EBF1: variants seen among roughly 807,000 people sequenced by gnomAD.
The protein encoded by EBF1 is transcription factor COE1.
Under a neutral mutation model 68.4 loss-of-function variants are expected in EBF1, and 10 were observed. The ratio of observed to expected loss-of-function variants is 0.15; its 90% CI spans 0.09 to 0.25. The LOEUF (loss-of-function observed/expected upper bound fraction) is 0.25, where lower values mean the gene tolerates loss of function less well. Among genes scored for constraint, EBF1 ranks in the 10% least tolerant of loss-of-function variants. The pLI, the probability that EBF1 is intolerant of heterozygous loss-of-function variation, is 1.00. For synonymous variants in EBF1, 298 were observed against 299.8 expected, an observed-to-expected ratio of 0.99 and a Z score of 0.06; for missense variants, 509 against 794.4, an observed-to-expected ratio of 0.64 and a Z score of 4.32.
chr5:158,725,480 T>C (rs1762807135), intron 11 of EBF1, among the ~76,000 whole-genome samples: 1 of 152,286 alleles, frequency 6.6e-6, no homozygotes. Context: ...AGGGCAGTTA[T>C]AGGCAAGCAC....
Position 158,698,662 on chromosome 5 carries a change from T to A in EBF1, c.*449A>T, listed in dbSNP as rs201417667. On this transcript the variant is annotated 3_prime_UTR_variant, in exon 16 of 16. Coordinates refer to ENST00000313708, the MANE Select transcript of EBF1 (RefSeq NM_024007.5). Reference sequence around the variant, plus strand: ...CAAGCTTTTTTTTTTTTCCTTTTTTTCTTTTTTTTTTTTTTTACTTTTTTG... The same window carrying A: ...CAAGCTTTTTTTTTTTTCCTTTTTTACTTTTTTTTTTTTTTTACTTTTTTG... 1.0e-5 allele frequency: 2 copies of A among 194,302 alleles called. No individual in the cohort carries two copies. Among genetic ancestry groups the A allele is most frequent in the Non-Finnish European group, 2.1e-5 (2 of 94,684 alleles). 12.0% of individuals were successfully genotyped at this position (194,302 alleles called of 1,614,324 possible). A position where few individuals can be genotyped will look rare whatever the true frequency, so the allele number is the denominator to read the frequency against.
At chr5:159,049,852 T>A (rs1430546506) in intron 6 of EBF1, among the ~76,000 whole-genome samples, 1 of 152,212 alleles carries the variant, frequency 6.6e-6, no homozygotes, top group Admixed American at 6.5e-5. Flanking sequence ...TATCTGGTGA[T>A]AATCTCCAGA....
intron 6 of EBF1, among the ~76,000 whole-genome samples, chr5:158,965,089 C>T (rs921994974): frequency 6.6e-6 from 1 of 152,120 alleles, no homozygotes; most frequent in Admixed American, 6.6e-5. Flanking sequence ...TACTTTTTAG[C>T]TCTGGTTGTC....
intron 10 of EBF1, among the ~76,000 whole-genome samples, chr5:158,747,724 A>G (rs1767905027): frequency 6.6e-6 from 1 of 152,222 alleles, no homozygotes; most frequent in South Asian, 2.1e-4. Context: ...ACATTCTTGT[A>G]ATGGAAATGA....
intron 6 of EBF1, among the ~76,000 whole-genome samples, chr5:159,054,142 G>C (rs1774318053): frequency 6.6e-6 from 1 of 152,152 alleles, no homozygotes; most frequent in Non-Finnish European, 1.5e-5. Context: ...GCTTTTTATA[G>C]GGCATTTCTA....
intron 11 of EBF1, among the ~76,000 whole-genome samples, chr5:158,721,921 G>C (rs1422595203): frequency 1.3e-5 from 2 of 148,960 alleles, no homozygotes; most frequent in South Asian, 2.1e-4. Context: ...TTTTTATTTG[G>C]TCTCCTGGCA....
At chr5:158,902,469 T>G (rs1268240248) in intron 6 of EBF1, among the ~76,000 whole-genome samples, 1 of 151,042 alleles carries the variant, frequency 6.6e-6, no homozygotes, top group Non-Finnish European at 1.5e-5. Flanking sequence ...TGTCCCAGGC[T>G]GCAATGCAGT....
At chr5:158,780,367 C>T (rs907320218) in intron 9 of EBF1, among the ~76,000 whole-genome samples, 1 of 152,086 alleles carries the variant, frequency 6.6e-6, no homozygotes, top group South Asian at 2.1e-4. Flanking sequence ...GAACCCAAGG[C>T]AGCCACTCAA....
At position 158,696,864 on chromosome 5, in the gene EBF1, CA is replaced by C. The variant is rs1343957740; in HGVS notation, c.*2246del. 2.6e-5 allele frequency: 5 copies of C among 195,630 alleles called. No homozygotes were observed. The highest frequency in any genetic ancestry group is 1.2e-4 in the African/African-American group (5 of 42,932). The allele number at this position is 195,630 out of a possible 1,614,324, so 12.1% of individuals were successfully genotyped here. ...AAAAAGTTACATTGTCTTAAGGTAACAAAACAGTTCTTTTGTGCTTTTCGAT... is the reference window on the plus strand; with the variant it reads ...AAAAAGTTACATTGTCTTAAGGTAACAAACAGTTCTTTTGTGCTTTTCGAT... On this transcript the variant is annotated 3_prime_UTR_variant, in exon 16 of 16. Transcript: ENST00000313708.
intron 6 of EBF1, among the ~76,000 whole-genome samples, chr5:158,933,294 T>C (rs970483905): frequency 5.9e-5 from 9 of 151,994 alleles, no homozygotes; most frequent in Non-Finnish European, 8.8e-5. Context: ...GGTAGAAAAC[T>C]TACCACTATA....
chr5:158,834,601 A>G (rs957367897), intron 7 of EBF1, among the ~76,000 whole-genome samples: 4 of 152,152 alleles, frequency 2.6e-5, no homozygotes, highest in African/African-American at 4.8e-5. Flanking sequence ...AAAGTGATTA[A>G]TTTCTTGAAA....
chr5:158,764,901 T>C (rs1031530789), intron 10 of EBF1, among the ~76,000 whole-genome samples: 3 of 152,140 alleles, frequency 2.0e-5, no homozygotes, highest in Non-Finnish European at 4.4e-5. Context: ...CTTCACTTCT[T>C]TCTACACCTC....
chr5:159,056,274 G>A (rs10064027), intron 6 of EBF1, among the ~76,000 whole-genome samples: 133,183 of 152,266 alleles, frequency 0.87, 58,615 homozygotes, highest in African/African-American at 0.97. Context: ...ATATATTTCT[G>A]TGGAGACGGA....
intron 6 of EBF1, among the ~76,000 whole-genome samples, chr5:159,051,453 G>T (rs1236771724): frequency 3.6e-5 from 3 of 82,772 alleles, no homozygotes; most frequent in African/African-American, 1.3e-4. Flanking sequence ...CCACCCCGCC[G>T]CCCGGCGGCT....
chr5:158,790,300 C>A (rs1778351008), intron 9 of EBF1, among the ~76,000 whole-genome samples: 1 of 152,144 alleles, frequency 6.6e-6, no homozygotes, highest in African/African-American at 2.4e-5. Flanking sequence ...TTGTTCAAAG[C>A]CTTGCAGCAT....
chr5:158,783,885 G>T (rs148973289), intron 9 of EBF1, among the ~76,000 whole-genome samples: 192 of 152,352 alleles, frequency 1.3e-3, no homozygotes, highest in African/African-American at 4.5e-3. Context: ...GCCCAGAAGA[G>T]AGGCAGGGAA....
At chr5:159,096,500 G>T (rs897865288) in intron 2 of EBF1, 94 bp from the exon 3 acceptor site, 5 of 1,450,586 alleles carry the variant, frequency 3.4e-6, no homozygotes, top group Non-Finnish European at 4.7e-6. Flanking sequence ...TCCCCAAGCC[G>T]GGACCCCCGC....
intron 4 of EBF1, among the ~76,000 whole-genome samples, chr5:159,092,239 G>T (rs1781778870): frequency 1.3e-5 from 2 of 152,058 alleles, no homozygotes; most frequent in Admixed American, 1.3e-4. Context: ...GCTCACTAAT[G>T]GAATACCAAA....
intron 6 of EBF1, among the ~76,000 whole-genome samples, chr5:159,038,735 C>T (rs1430914581): frequency 6.6e-6 from 1 of 152,124 alleles, no homozygotes; most frequent in African/African-American, 2.4e-5. Context: ...ATCAACAACA[C>T]TTTGAAAGTT....
Sources: gnomAD v4.1 joint callset for allele counts (sites outside exome capture counted in the v4.1 genomes callset) on GRCh38, gnomAD v4.1.1 for gene constraint, MANE v1.5 for transcripts, NCBI Gene and HGNC (gene_info 2026-07-23, HGNC 2026-07-21) for gene names.